MYO16: variants seen among roughly 807,000 people sequenced by gnomAD.
The protein encoded by MYO16 is unconventional myosin-XVI.
In MYO16, 94 loss-of-function variants were observed where a neutral mutation model predicts 205.3. The ratio of observed to expected loss-of-function variants is 0.46; its 90% CI spans 0.39 to 0.54. The LOEUF is 0.54. MYO16 is among the 20% of genes least tolerant of loss of function. The pLI is 0.00. For missense variants in MYO16, 2,315 were observed against 2,387.5 expected, an observed-to-expected ratio of 0.97 and a Z score of 0.63; for synonymous variants, 988 against 954.0, an observed-to-expected ratio of 1.04 and a Z score of -0.66.
At chr13:109,016,429 T>A (rs1221163934) in intron 22 of MYO16, among the ~76,000 whole-genome samples, 3 of 152,232 alleles carry the variant, frequency 2.0e-5, no homozygotes, top group South Asian at 2.1e-4. Flanking sequence ...CTAAGAAGAA[T>A]GTGTATTCTG....
At chr13:109,142,242 C>T (rs1244134732) in intron 32 of MYO16, among the ~76,000 whole-genome samples, 4 of 152,204 alleles carry the variant, frequency 2.6e-5, no homozygotes, top group African/African-American at 9.7e-5. Context: ...ATGTCTTCCT[C>T]TTCCAAAAGA....
chr13:108,632,481 C>T lies in MYO16; in HGVS notation c.28+2609C>T, dbSNP rs925539464. Among the ~76,000 whole-genome samples, 25 of 152,034 alleles carry T rather than the reference C, an allele frequency of 1.6e-4. 1 individual carries two copies. Among genetic ancestry groups the T allele is most frequent in the African/African-American group, 5.1e-4 (21 of 41,386 alleles). On this transcript the variant is annotated intron_variant, in intron 1 of 34. Coordinates refer to ENST00000457511, the MANE Select transcript of MYO16 (RefSeq NM_001198950.3). ...TGCTGGGTGACCAATAGCTAATGCT[C>T]GCAAGGAACTGTTAGTCACCTGGGA...
rs543590951 is a variant in MYO16, at chr13:109,089,918, A to G, written c.3336-10867A>G. On this transcript the variant is annotated intron_variant, in intron 27 of 34. Transcript: ENST00000457511. ...GTAGAATTTAGGGAAGTCCCTTACC[A>G]TACCAGTGCCCCAGACTGCAAGAGA... Among the ~76,000 whole-genome samples, 35 of 152,332 alleles carry G rather than the reference A, an allele frequency of 2.3e-4. No homozygotes were observed. The South Asian group carries it at 5.6e-3, about 24-fold the overall frequency.
chr13:108,831,896 G>A (rs1427315413), intron 9 of MYO16, among the ~76,000 whole-genome samples: 1 of 152,110 alleles, frequency 6.6e-6, no homozygotes, highest in African/African-American at 2.4e-5. Context: ...ACCATCCCTG[G>A]GCTGCCTATT....
chr13:108,910,896 G>A (rs1393121646), intron 16 of MYO16, among the ~76,000 whole-genome samples: 3 of 152,042 alleles, frequency 2.0e-5, no homozygotes, highest in South Asian at 2.1e-4. Context: ...AGACTCTGAG[G>A]ACATGTGGAT....
intron 2 of MYO16, among the ~76,000 whole-genome samples, chr13:108,711,484 A>T (rs537792224): frequency 6.6e-6 from 1 of 152,360 alleles, no homozygotes; most frequent in African/African-American, 2.4e-5. Context: ...GCCAGGATGC[A>T]CGGGGCAGGG....
At chr13:109,035,284 T>C (rs1383564108) in intron 23 of MYO16, among the ~76,000 whole-genome samples, 1 of 152,186 alleles carries the variant, frequency 6.6e-6, no homozygotes, top group Non-Finnish European at 1.5e-5. Context: ...AGCTTAGCCC[T>C]GAGTATACTT....
intron 27 of MYO16, among the ~76,000 whole-genome samples, chr13:109,089,676 A>G (rs200583718): frequency 1.3e-5 from 2 of 152,256 alleles, no homozygotes; most frequent in East Asian, 3.8e-4. Context: ...CCAGATTAAG[A>G]TGCTAGCTTT....
At chr13:108,949,362 G>A (rs936628157) in intron 16 of MYO16, among the ~76,000 whole-genome samples, 3 of 152,092 alleles carry the variant, frequency 2.0e-5, no homozygotes, top group African/African-American at 2.4e-5. Flanking sequence ...AGATCAGTGC[G>A]CAAAATCAAT....
chr13:109,151,376 T>C (rs1379305102), intron 32 of MYO16, among the ~76,000 whole-genome samples: 1 of 152,198 alleles, frequency 6.6e-6, no homozygotes, highest in Non-Finnish European at 1.5e-5. Flanking sequence ...TAATAACACA[T>C]GTTAATTATG....
At chr13:108,620,761 G>T (rs981071807) in intron 1 of MYO16, among the ~76,000 whole-genome samples, 1 of 152,120 alleles carries the variant, frequency 6.6e-6, no homozygotes, top group Non-Finnish European at 1.5e-5. Flanking sequence ...CGCCCTTGGG[G>T]GCCTTGAGTG....
chr13:108,912,721 C>G (rs1324650698), intron 16 of MYO16, among the ~76,000 whole-genome samples: 1 of 151,880 alleles, frequency 6.6e-6, no homozygotes, highest in African/African-American at 2.4e-5. Flanking sequence ...GAGAGATAGC[C>G]TGTGAGGAAG....
At chr13:108,869,731 T>TAAAAAAAAAAA (rs68025820) in intron 12 of MYO16, among the ~76,000 whole-genome samples, 7 of 67,028 alleles carry the variant, frequency 1.0e-4, no homozygotes, top group South Asian at 3.9e-4. Context: ...ACTCCGTTTC[T>TAAAAAAAAAAA]AAAAAAAAAA....
chr13:108,548,101 C>G, the MYO16 span, among the ~76,000 whole-genome samples: 2 of 152,092 alleles, frequency 1.3e-5, no homozygotes, highest in Non-Finnish European at 2.9e-5. Context: ...CTTTTAAAAT[C>G]TTTTGATCTA....
At chr13:108,711,246 A>G (rs916652742) in intron 2 of MYO16, among the ~76,000 whole-genome samples, 4 of 152,242 alleles carry the variant, frequency 2.6e-5, no homozygotes, top group African/African-American at 9.7e-5. Context: ...ATACGACACG[A>G]GCTGTCAGGT....
At chr13:109,198,848 T>C (rs552314662) in intron 34 of MYO16, among the ~76,000 whole-genome samples, 1 of 152,116 alleles carries the variant, frequency 6.6e-6, no homozygotes, top group Non-Finnish European at 1.5e-5. Context: ...CGAATGCTTG[T>C]TCAGCATTGC....
At chr13:109,107,243 A>G (rs974419286) in intron 28 of MYO16, among the ~76,000 whole-genome samples, 1 of 152,232 alleles carries the variant, frequency 6.6e-6, no homozygotes. Context: ...GAACAAAGAA[A>G]TTCACAATCT....
In MYO16 at chr13:108,992,394, T is replaced by A. The variant is rs1439634604; in HGVS notation, c.2388T>A (p.Ile796=). The A allele has an allele frequency of 6.2e-7, 1 of 1,610,004 alleles. No homozygotes were observed. The part of the protein sequence containing the change: ...DEQKSMQTLD[I]GILDIFGFEE... ...GTTTCAGCATGCAGACATTGGATATTGGAATATTGGACATTTTTGGTTTTG... is the reference window on the plus strand; with the variant it reads ...GTTTCAGCATGCAGACATTGGATATAGGAATATTGGACATTTTTGGTTTTG... Residue 796 remains isoleucine (I), a synonymous_variant, in exon 21 of 35, where the codon ATT becomes ATA. Coordinates refer to ENST00000457511, the MANE Select transcript of MYO16 (RefSeq NM_001198950.3).
intron 9 of MYO16, among the ~76,000 whole-genome samples, chr13:108,827,124 A>T (rs1291961719): frequency 6.6e-6 from 1 of 152,174 alleles, no homozygotes; most frequent in African/African-American, 2.4e-5. Flanking sequence ...AAGAACAATA[A>T]AAAAGGGGGA....
Sources: allele counts gnomAD v4.1 joint callset (sites outside exome capture counted in the v4.1 genomes callset), GRCh38; gene constraint gnomAD v4.1.1; transcripts MANE v1.5; gene names NCBI Gene and HGNC (gene_info 2026-07-23, HGNC 2026-07-21).